KIF6: variants seen among roughly 807,000 people sequenced by gnomAD.
KIF6 encodes kinesin-like protein KIF6.
In KIF6, 106 loss-of-function variants were observed where a neutral mutation model predicts 112.7. That is an observed-to-expected ratio of 0.94 (90% CI 0.80 to 1.11). The LOEUF is 1.11. Among genes scored for constraint, KIF6 ranks in the 50% least tolerant of loss-of-function variants. The pLI is 0.00. For missense variants in KIF6, 929 were observed against 964.0 expected (o/e 0.96, Z 0.48); for synonymous variants, 339 against 339.9 (o/e 1.00, Z 0.03).
intron 15 of KIF6, among the ~76,000 whole-genome samples, chr6:39,401,135 C>T (rs577568910): frequency 4.3e-4 from 65 of 152,354 alleles, no homozygotes; most frequent in African/African-American, 1.5e-3. Flanking sequence ...CAAATAGGTG[C>T]CCCTAATTCC....
intron 3 of KIF6, among the ~76,000 whole-genome samples, chr6:39,694,820 C>T (rs1342161588): frequency 6.6e-6 from 1 of 152,064 alleles, no homozygotes; most frequent in African/African-American, 2.4e-5. Context: ...AAAAACTATC[C>T]TAAAATTCAT....
At chr6:39,614,430 A>C (rs1253157384) in intron 5 of KIF6, among the ~76,000 whole-genome samples, 2 of 152,206 alleles carry the variant, frequency 1.3e-5, no homozygotes, top group Non-Finnish European at 2.9e-5. Context: ...TTTTATAAAA[A>C]CTTATTAAGA....
At chr6:39,498,306 TAATTTTAAAGCTC>T (rs1326033296) in intron 13 of KIF6, among the ~76,000 whole-genome samples, 1 of 152,234 alleles carries the variant, frequency 6.6e-6, no homozygotes, top group Non-Finnish European at 1.5e-5. Context: ...CAGCTGTTGA[TAATTTTAAAGCTC>T]AATTTTAAAG....
At chr6:39,532,956 A>C (rs570135139) in intron 13 of KIF6, among the ~76,000 whole-genome samples, 3 of 152,332 alleles carry the variant, frequency 2.0e-5, no homozygotes, top group South Asian at 2.1e-4. Flanking sequence ...ACGCGAATGA[A>C]CTTGGGCTCC....
At chr6:39,508,688 T>G (rs937086998) in intron 13 of KIF6, among the ~76,000 whole-genome samples, 1 of 151,966 alleles carries the variant, frequency 6.6e-6, no homozygotes, top group Non-Finnish European at 1.5e-5. Flanking sequence ...GAGGCTTGAG[T>G]AGGCAGTTCT....
chr6:39,716,452 C>G (rs548465402), intron 2 of KIF6, among the ~76,000 whole-genome samples: 1 of 152,226 alleles, frequency 6.6e-6, no homozygotes, highest in Admixed American at 6.5e-5. Flanking sequence ...AAACCATTAA[C>G]TATATATTAA....
chr6:39,598,130 T>C (rs868555594), intron 6 of KIF6, among the ~76,000 whole-genome samples: 3 of 152,174 alleles, frequency 2.0e-5, no homozygotes, highest in African/African-American at 4.8e-5. Context: ...GAGGTTGCAG[T>C]GAGCCAAGAT....
intron 3 of KIF6, among the ~76,000 whole-genome samples, chr6:39,644,161 A>T (rs1582349505): frequency 2.7e-5 from 1 of 36,800 alleles, no homozygotes; most frequent in Non-Finnish European, 4.4e-5. Flanking sequence ...TGGCTAAAAC[A>T]AAAAAAAAAA....
At chr6:39,351,796 G>C (rs1472295240) in intron 19 of KIF6, among the ~76,000 whole-genome samples, 1 of 152,240 alleles carries the variant, frequency 6.6e-6, no homozygotes, top group African/African-American at 2.4e-5. Context: ...ACAGCTGAAA[G>C]GAGAGCTTAT....
chr6:39,624,721 C>A (rs1012258595), intron 5 of KIF6, among the ~76,000 whole-genome samples: 2 of 152,124 alleles, frequency 1.3e-5, no homozygotes, highest in Admixed American at 1.3e-4. Flanking sequence ...AGTGTTTTTC[C>A]TGTCATTAAT....
At position 39,701,757 on chromosome 6, in the gene KIF6, T is replaced by C. The variant is rs189845019; in HGVS notation, c.251+12935A>G. On this transcript the variant is annotated intron_variant, in intron 3 of 22. Transcript: ENST00000287152. ...GGTTCTGAGCAGAGAAGTAACATCA[T>C]ATCCTTCACCTGCAGTCACTAGTGA... 1.8e-4 allele frequency among the ~76,000 whole-genome samples: 28 copies of C among 152,320 alleles called. No homozygotes were observed. In the East Asian group the frequency reaches 5.4e-3, roughly 29 times the overall value.
intron 3 of KIF6, among the ~76,000 whole-genome samples, chr6:39,665,318 CATGCACAATGCTTACACACAAAGTCAAT>C (rs1786404360): frequency 4.6e-5 from 7 of 152,286 alleles, no homozygotes; most frequent in Admixed American, 2.0e-4. Flanking sequence ...TTTTTGCATA[CATGCACAATGCTTACACACAAAGTCAAT>C]ATGCACAATG....
At chr6:39,571,481 T>G (rs879551444) in intron 10 of KIF6, among the ~76,000 whole-genome samples, 8 of 152,208 alleles carry the variant, frequency 5.3e-5, no homozygotes, top group Admixed American at 5.2e-4. Flanking sequence ...ATGCTCTATA[T>G]TTTAGTTATC....
Position 39,720,760 on chromosome 6 carries a change from AGAT to A in KIF6, c.115_117del (p.Ile39del). The A allele has an allele frequency of 1.2e-6, 2 of 1,610,022 alleles. No homozygotes were observed. The highest frequency in any genetic ancestry group is 1.7e-6 in the Non-Finnish European group (2 of 1,176,378). ...AACCCATCTGCCAAATCACGTGGTAAGATGATTTCCAAGCTAGGTATTAATTTT... is the reference window on the plus strand; with the variant it reads ...AACCCATCTGCCAAATCACGTGGTAAGATTTCCAAGCTAGGTATTAATTTT... On this transcript the variant is annotated inframe_deletion, in exon 2 of 23. Transcript: ENST00000287152.
intron 18 of KIF6, among the ~76,000 whole-genome samples, chr6:39,358,789 A>G (rs934385995): frequency 6.6e-6 from 1 of 152,206 alleles, no homozygotes; most frequent in Admixed American, 6.5e-5. Context: ...AGAAACCACA[A>G]AAGTATTAGC....
At position 39,336,339 on chromosome 6, in the gene KIF6, C is replaced by T. The variant is rs969448703; in HGVS notation, c.*193G>A. 8 of 601,060 alleles carry T rather than the reference C, an allele frequency of 1.3e-5. No individual in the cohort carries two copies. Among genetic ancestry groups the T allele is most frequent in the African/African-American group, 1.3e-4 (7 of 53,520 alleles). 37.2% of individuals were successfully genotyped at this position (601,060 alleles called of 1,614,324 possible). On this transcript the variant is annotated 3_prime_UTR_variant, in exon 23 of 23. Transcript: ENST00000287152. ...CACAGGAAGGATGTTGTGGTCAGCC[C>T]CAGCCCCAGCCTCTCGGTGGCCTCC...
At chr6:39,385,533 G>A (rs1164365897) in intron 16 of KIF6, 89 bp downstream of exon 16, 1 of 1,093,410 alleles carries the variant, frequency 9.1e-7, no homozygotes, top group African/African-American at 1.5e-5. Context: ...GGTTTTAAAT[G>A]GGTTATCTTT....
chr6:39,534,174 C>A (rs4273686), intron 13 of KIF6, among the ~76,000 whole-genome samples: 1 of 152,138 alleles, frequency 6.6e-6, no homozygotes, highest in East Asian at 1.9e-4. Context: ...TCCAAAGGAA[C>A]GCAGTTCCTC....
intron 13 of KIF6, among the ~76,000 whole-genome samples, chr6:39,470,209 A>T (rs1456451491): frequency 6.6e-6 from 1 of 152,150 alleles, no homozygotes; most frequent in Non-Finnish European, 1.5e-5. Flanking sequence ...AGGAGCAGGT[A>T]AAGAGGTAGA....
Sources: allele counts gnomAD v4.1 joint callset (sites outside exome capture counted in the v4.1 genomes callset), GRCh38; gene constraint gnomAD v4.1.1; transcripts MANE v1.5; gene names NCBI Gene and HGNC (gene_info 2026-07-23, HGNC 2026-07-21).